The following KIAA1958 variants were observed in gnomAD, a reference collection of about 807,000 sequenced individuals.
KIAA1958 encodes uncharacterized protein KIAA1958.
Under a neutral mutation model 47.2 loss-of-function variants are expected in KIAA1958, and 14 were observed. The observed-to-expected ratio is 0.30, with a 90% CI of 0.20 to 0.46. KIAA1958 has a LOEUF of 0.46. Among genes scored for constraint, KIAA1958 ranks in the 20% least tolerant of loss-of-function variants. The pLI is 1.00. For synonymous variants in KIAA1958, 354 were observed against 353.3 expected (o/e 1.00, Z -0.02); for missense variants, 803 against 909.2 (o/e 0.88, Z 1.50).
intron 1 of KIAA1958, among the ~76,000 whole-genome samples, chr9:112,545,062 A>T (rs1166600853): frequency 5.9e-5 from 9 of 152,286 alleles, no homozygotes; most frequent in East Asian, 3.9e-4. Flanking sequence ...GTACTTATAA[A>T]ACCTCAAGGA....
intron 2 of KIAA1958, among the ~76,000 whole-genome samples, chr9:112,595,712 A>G (rs1348397003): frequency 6.6e-6 from 1 of 151,074 alleles, no homozygotes; most frequent in Non-Finnish European, 1.5e-5. Flanking sequence ...CTTTACTAAC[A>G]TTTAATATAT....
At chr9:112,533,580 CAAAAA>C (rs57032014) in intron 1 of KIAA1958, among the ~76,000 whole-genome samples, 11,689 of 125,192 alleles carry the variant, frequency 0.093, 910 homozygotes, top group East Asian at 0.17. Flanking sequence ...GACTCCATCC[CAAAAA>C]AAAAAAAAAA....
intron 1 of KIAA1958, among the ~76,000 whole-genome samples, chr9:112,571,509 G>T (rs1835533202): frequency 6.6e-6 from 1 of 152,238 alleles, no homozygotes; most frequent in South Asian, 2.1e-4. Flanking sequence ...GGCCACCCTT[G>T]CTCCAGGGGA....
intron 1 of KIAA1958, among the ~76,000 whole-genome samples, chr9:112,525,968 T>TCTCCTTCTTCTCCTTCTTCTCCTC (rs1345874650): frequency 2.0e-5 from 1 of 51,202 alleles, no homozygotes; most frequent in Non-Finnish European, 3.5e-5. Flanking sequence ...TTCTTCTTCT[T>TCTCCTTCTTCTCCTTCTTCTCCTC]CTTCTTCTTC....
chr9:112,557,807 T>C (rs1244502608), intron 1 of KIAA1958, among the ~76,000 whole-genome samples: 1 of 152,110 alleles, frequency 6.6e-6, no homozygotes, highest in Non-Finnish European at 1.5e-5. Context: ...CTTGATAAAA[T>C]TCAACAGCTT....
At chr9:112,599,304 G>A (rs1396013042) in intron 2 of KIAA1958, among the ~76,000 whole-genome samples, 3 of 152,040 alleles carry the variant, frequency 2.0e-5, no homozygotes, top group Non-Finnish European at 4.4e-5. Context: ...TTCCTTATGT[G>A]TATAGTGACC....
chr9:112,629,269 T>C (rs1588046533), intron 2 of KIAA1958, among the ~76,000 whole-genome samples: 2 of 152,208 alleles, frequency 1.3e-5, no homozygotes, highest in Non-Finnish European at 2.9e-5. Context: ...TTTTAAAAAC[T>C]ATAGTAGTGT....
intron 1 of KIAA1958, among the ~76,000 whole-genome samples, chr9:112,556,908 A>C (rs1390617286): frequency 6.6e-6 from 1 of 152,206 alleles, no homozygotes; most frequent in Non-Finnish European, 1.5e-5. Flanking sequence ...TGGACAGAAC[A>C]GGTGGGTAGA....
At chr9:112,589,422 C>A (rs1008068232) in intron 2 of KIAA1958, among the ~76,000 whole-genome samples, 1 of 152,098 alleles carries the variant, frequency 6.6e-6, no homozygotes, top group Non-Finnish European at 1.5e-5. Flanking sequence ...CATGGAGAAA[C>A]CCCATCTCTA....
chr9:112,561,425 G>A (rs1833376023), intron 1 of KIAA1958, among the ~76,000 whole-genome samples: 1 of 152,090 alleles, frequency 6.6e-6, no homozygotes, highest in Admixed American at 6.5e-5. Context: ...GTTTCTTCCT[G>A]CCTTGCCACC....
At chr9:112,594,010 A>T (rs1315158404) in intron 2 of KIAA1958, among the ~76,000 whole-genome samples, 1 of 152,108 alleles carries the variant, frequency 6.6e-6, no homozygotes, top group Non-Finnish European at 1.5e-5. Flanking sequence ...GACTACAGGC[A>T]TGCACTACCA....
chr9:112,487,948 T>TGC (rs1161007552), intron 1 of KIAA1958, among the ~76,000 whole-genome samples: 2 of 136,652 alleles, frequency 1.5e-5, no homozygotes, highest in African/African-American at 6.2e-5. Context: ...TGTGTGTGCG[T>TGC]GTGTGTGTGT....
chr9:112,646,283 T>C (rs951447156), intron 3 of KIAA1958, among the ~76,000 whole-genome samples: 45 of 152,300 alleles, frequency 3.0e-4, no homozygotes, highest in African/African-American at 1.1e-3. Flanking sequence ...TAAAATCTTG[T>C]GAACACTGGA....
chr9:112,491,672 T>G (rs1416729177), intron 1 of KIAA1958, among the ~76,000 whole-genome samples: 2 of 152,102 alleles, frequency 1.3e-5, no homozygotes, highest in African/African-American at 4.8e-5. Context: ...TTGTTAATCA[T>G]CAAGGATTTC....
Position 112,571,479 on chromosome 9 carries a change from T to C in KIAA1958, c.-24-2578T>C, listed in dbSNP as rs185721920. Among the ~76,000 whole-genome samples, 244 of 152,314 alleles carry C rather than the reference T, an allele frequency of 1.6e-3. 1 individual carries two copies. The highest frequency in any genetic ancestry group is 5.8e-3 in the African/African-American group (241 of 41,582). On this transcript the variant is annotated intron_variant, in intron 1 of 3. Transcript: ENST00000337530. The stretch of plus-strand genomic sequence containing the variant: ...CGAACCCCTTCCATTTACGTGTCCT[T>C]GGCCATGACTGTGTCATAGGGCCAC...
intron 1 of KIAA1958, among the ~76,000 whole-genome samples, chr9:112,518,626 GTA>G (rs1430999305): frequency 6.6e-6 from 1 of 152,262 alleles, no homozygotes; most frequent in East Asian, 1.9e-4. Flanking sequence ...GGAGTGATGT[GTA>G]TGTTCGTTTT....
chr9:112,494,451 T>G (rs1834019500), intron 1 of KIAA1958, among the ~76,000 whole-genome samples: 1 of 152,044 alleles, frequency 6.6e-6, no homozygotes, highest in South Asian at 2.1e-4. Flanking sequence ...TATGCTTTAG[T>G]GTGTTCAATG....
At chr9:112,633,664 CA>C (rs955509577) in intron 2 of KIAA1958, among the ~76,000 whole-genome samples, 7 of 152,220 alleles carry the variant, frequency 4.6e-5, no homozygotes, top group African/African-American at 1.7e-4. Flanking sequence ...TCACTGACTT[CA>C]CCATAGAGTC....
intron 1 of KIAA1958, among the ~76,000 whole-genome samples, chr9:112,563,099 A>ATATATAT (rs35195735): frequency 2.0e-5 from 3 of 146,670 alleles, no homozygotes; most frequent in Non-Finnish European, 3.0e-5. Context: ...ATATATATAT[A>ATATATAT]AATTTTTTTT....
Sources: gnomAD v4.1 joint callset for allele counts (sites outside exome capture counted in the v4.1 genomes callset) on GRCh38, gnomAD v4.1.1 for gene constraint, MANE v1.5 for transcripts, NCBI Gene and HGNC (gene_info 2026-07-23, HGNC 2026-07-21) for gene names.